MET: variants seen among roughly 807,000 people sequenced by gnomAD.
MET encodes the protein hepatocyte growth factor receptor.
In MET, 48 loss-of-function variants were observed where a neutral mutation model predicts 133.1. The ratio of observed to expected loss-of-function variants is 0.36; its 90% CI spans 0.29 to 0.46. MET has a LOEUF of 0.46. MET is among the 20% of genes least tolerant of loss of function. MET has a pLI of 1.00. For synonymous variants in MET, 628 were observed against 616.5 expected, an observed-to-expected ratio of 1.02 and a Z score of -0.28; for missense variants, 1,442 against 1,695.9, an observed-to-expected ratio of 0.85 and a Z score of 2.63.
chr7:116,772,047 A>G (rs1794855225), intron 14 of MET, 58 bp downstream of exon 14: 7 of 1,587,436 alleles, frequency 4.4e-6, no homozygotes, highest in South Asian at 2.2e-5. Context: ...GTGGGTTGTG[A>G]CATTGTTGTT....
At chr7:116,706,149 G>A (rs1028065950) in intron 2 of MET, among the ~76,000 whole-genome samples, 2 of 152,094 alleles carry the variant, frequency 1.3e-5, no homozygotes, top group African/African-American at 4.8e-5. Flanking sequence ...TTTACCCGTG[G>A]GTTATATTAA....
At position 116,705,485 on chromosome 7, in the gene MET, C is replaced by T. The variant is rs931146625; in HGVS notation, c.1200+5201C>T. Among the ~76,000 whole-genome samples, 5 of 151,908 alleles carry T rather than the reference C, an allele frequency of 3.3e-5. No individual in the cohort carries two copies. In the South Asian group the frequency reaches 1.0e-3, roughly 32 times the overall value. ...TGTATTAGGGATGAAAAATGTGAAG[C>T]CAGATTATAGAGTTTTTTACTTATT... On this transcript the variant is annotated intron_variant, in intron 2 of 20. Transcript: ENST00000397752.
At chr7:116,764,958 G>A (rs907856338) in intron 11 of MET, among the ~76,000 whole-genome samples, 1 of 152,058 alleles carries the variant, frequency 6.6e-6, no homozygotes, top group Non-Finnish European at 1.5e-5. Context: ...TATTTGTTGT[G>A]TCAGCAATCT....
chr7:116,714,951 C>A (rs898004083), intron 2 of MET, among the ~76,000 whole-genome samples: 1 of 152,100 alleles, frequency 6.6e-6, no homozygotes, highest in African/African-American at 2.4e-5. Context: ...TTAAGTAATT[C>A]TCTTCAATAG....
Position 116,777,553 on chromosome 7 carries a change from A to C in MET, c.3340+84A>C. The C allele has an allele frequency of 2.3e-6, 3 of 1,325,842 alleles. No homozygotes were observed. The South Asian group carries it at 3.6e-5, about 16-fold the overall frequency. The allele number at this position is 1,325,842 out of a possible 1,614,324, so 82.1% of individuals were successfully genotyped here. On this transcript the variant is annotated intron_variant, in intron 16 of 20. Coordinates refer to ENST00000397752, the MANE Select transcript of MET (RefSeq NM_000245.4). Reference sequence around the variant, plus strand: ...AGCTTATAATAAAACGTTGATTTACACTTTCCCCTTGTGGAAAAATCAGCT... The same window carrying C: ...AGCTTATAATAAAACGTTGATTTACCCTTTCCCCTTGTGGAAAAATCAGCT...
intron 3 of MET, among the ~76,000 whole-genome samples, chr7:116,737,580 G>A (rs919472633): frequency 1.3e-5 from 2 of 152,042 alleles, no homozygotes; most frequent in African/African-American, 4.8e-5. Flanking sequence ...ATTCTATGTT[G>A]TATTTTTTTT....
chr7:116,708,999 C>G (rs1791897263), intron 2 of MET, among the ~76,000 whole-genome samples: 1 of 152,178 alleles, frequency 6.6e-6, no homozygotes. Context: ...CCTCTGTGCA[C>G]TGTACTCTGC....
At chr7:116,725,465 C>CATATATATATATATATAT (rs71314626) in intron 2 of MET, among the ~76,000 whole-genome samples, 3 of 144,916 alleles carry the variant, frequency 2.1e-5, no homozygotes, top group Non-Finnish European at 3.0e-5. Flanking sequence ...TTATGATATA[C>CATATATATATATATATAT]ATATATATAT....
rs1794829593 is a variant in MET, at chr7:116,771,489, C to G, written c.2731-9C>G. Reference sequence around the variant, plus strand: ...TAAATGCTGACTTTTCTTTATTTGTCATTTTTAGTGGAAGCAAGCAATTTC... The same window carrying G: ...TAAATGCTGACTTTTCTTTATTTGTGATTTTTAGTGGAAGCAAGCAATTTC... On this transcript the variant is annotated splice_polypyrimidine_tract_variant and intron_variant, in intron 12 of 20. Coordinates refer to ENST00000397752, the MANE Select transcript of MET (RefSeq NM_000245.4). 6.2e-7 allele frequency: 1 copy of G among 1,613,366 alleles called. No homozygotes were observed. The highest frequency in any genetic ancestry group is 1.3e-5 in the African/African-American group (1 of 74,866).
intron 1 of MET, among the ~76,000 whole-genome samples, chr7:116,691,584 G>T (rs929686930): frequency 2.0e-5 from 3 of 152,158 alleles, no homozygotes; most frequent in Non-Finnish European, 4.4e-5. Context: ...TTAAGACATG[G>T]CTGGATACAG....
intron 1 of MET, among the ~76,000 whole-genome samples, chr7:116,685,669 G>C (rs777810342): frequency 2.0e-5 from 3 of 152,042 alleles, no homozygotes; most frequent in Non-Finnish European, 2.9e-5. Flanking sequence ...CTGGGCAACA[G>C]AGCAAGACTC....
chr7:116,763,117 T>A lies in MET; in HGVS notation c.2432T>A (p.Leu811Gln), dbSNP rs1554396554. The A allele has an allele frequency of 1.9e-6, 3 of 1,614,104 alleles. No individual in the cohort carries two copies. Among genetic ancestry groups the A allele is most frequent in the Non-Finnish European group, 2.5e-6 (3 of 1,180,010 alleles). The change falls in exon 11 of 21, where the codon CTG (leucine) becomes CAG (glutamine). Residue 811 changes from leucine to glutamine, a missense_variant. Physicochemically the swap from Leu to Gln is moderately radical, Grantham distance 113. Coordinates refer to ENST00000397752, the MANE Select transcript of MET (RefSeq NM_000245.4). ...ACTCCTTCCCTGCAACAGCTGAATC[T>A]GCAACTCCCCCTGAAAACCAAAGCC... ...CTTPSLQQLNLQLPLKTKAFF... is the reference protein window; with the variant it reads ...CTTPSLQQLNQQLPLKTKAFF...
intron 11 of MET, among the ~76,000 whole-genome samples, chr7:116,764,773 T>C (rs937721111): frequency 6.6e-6 from 1 of 152,172 alleles, no homozygotes; most frequent in South Asian, 2.1e-4. Context: ...TTTATTTTCT[T>C]GCCTATATAT....
At chr7:116,682,311 G>T (rs539397126) in intron 1 of MET, among the ~76,000 whole-genome samples, 15 of 152,290 alleles carry the variant, frequency 9.8e-5, no homozygotes, top group Non-Finnish European at 1.9e-4. Flanking sequence ...CAGGATCAAG[G>T]TTCCTTCATA....
At chr7:116,693,039 G>A (rs557160157) in intron 1 of MET, among the ~76,000 whole-genome samples, 2 of 152,184 alleles carry the variant, frequency 1.3e-5, no homozygotes, top group Admixed American at 6.5e-5. Context: ...TATATGAAAA[G>A]TGAAAGTATT....
chr7:116,719,629 C>T (rs1374214693), intron 2 of MET, among the ~76,000 whole-genome samples: 2 of 152,138 alleles, frequency 1.3e-5, no homozygotes, highest in South Asian at 2.1e-4. Context: ...TTAGGTCTAA[C>T]GTTTAAGTCT....
chr7:116,716,516 A>AGAAG (rs1486265593), intron 2 of MET, among the ~76,000 whole-genome samples: 35 of 149,182 alleles, frequency 2.3e-4, no homozygotes, highest in Non-Finnish European at 4.2e-4. Flanking sequence ...AAAGAAAGAA[A>AGAAG]GAAAGAAAGA....
rs1186978034 is a variant in MET at position 116,699,652 on chromosome 7, G to T, written c.568G>T (p.Asp190Tyr). The T allele has an allele frequency of 6.2e-7, 1 of 1,613,950 alleles. No homozygotes were observed. The highest frequency in any genetic ancestry group is 8.5e-7 in the Non-Finnish European group (1 of 1,179,962). ...LGAKVLSSVK[D>Y]RFINFFVGNT... The stretch of plus-strand genomic sequence containing the variant: ...AGCCAAAGTCCTTTCATCTGTAAAG[G>T]ACCGGTTCATCAACTTCTTTGTAGG... Residue 190 changes from aspartate (D) to tyrosine (Y), a missense_variant, in exon 2 of 21, where the codon GAC (aspartate) becomes TAC (tyrosine). This residue lies in a region of MET where 762 missense variants were observed against 792.4 expected (regional missense o/e 0.96). Coordinates refer to ENST00000397752, the MANE Select transcript of MET (RefSeq NM_000245.4).
At chr7:116,789,550 T>C (rs1158240013) in intron 19 of MET, among the ~76,000 whole-genome samples, 1 of 152,148 alleles carries the variant, frequency 6.6e-6, no homozygotes, top group Non-Finnish European at 1.5e-5. Context: ...TTATGCTCCT[T>C]TGTAGTCAAC....
Sources: gnomAD v4.1 joint callset for allele counts (sites outside exome capture counted in the v4.1 genomes callset) on GRCh38, gnomAD v4.1.1 for gene constraint, gnomAD v4.1.1 regional missense constraint, MANE v1.5 for transcripts, NCBI Gene and HGNC (gene_info 2026-07-23, HGNC 2026-07-21) for gene names.